Variants in GLE1 observed in about 807,000 individuals in gnomAD.
GLE1 encodes the protein mRNA export factor GLE1.
In GLE1, 78 loss-of-function variants were observed where a neutral mutation model predicts 97.3. That is an observed-to-expected ratio of 0.80 (90% CI 0.67 to 0.97). The LOEUF (loss-of-function observed/expected upper bound fraction) is 0.97, where lower values mean the gene tolerates loss of function less well. GLE1 is among the 50% of genes least tolerant of loss of function. The probability of loss-of-function intolerance (pLI) is 0.00; values close to 1 mark genes in which losing one functional copy is unlikely to be tolerated. For synonymous variants in GLE1, 302 were observed against 313.4 expected (o/e 0.96, Z 0.39); for missense variants, 753 against 857.5 (o/e 0.88, Z 1.52).
chr9:128,509,023 T>C lies in GLE1; in HGVS notation c.247T>C (p.Ser83Pro). 1 of 1,613,886 alleles carries C rather than the reference T, an allele frequency of 6.2e-7. No individual in the cohort carries two copies. Among genetic ancestry groups the C allele is most frequent in the Non-Finnish European group, 8.5e-7 (1 of 1,179,748 alleles). The change falls in exon 2 of 16, where the codon TCA becomes CCA. Residue 83 changes from serine (S) to proline (P), a missense_variant. Transcript: ENST00000309971. ...STSASALDQP[S>P]FVPKSPDASS... The stretch of plus-strand genomic sequence containing the variant: ...GTCAGCTTCAGCCCTAGATCAACCC[T>C]CATTTGTTCCCAAATCTCCTGACGC...
In GLE1 at chr9:128,523,717, GCAGCTCAGCCAGCA is replaced by G. The variant is rs773572826; in HGVS notation, c.769_782del (p.Gln257AlafsTer5). 3 of 1,614,136 alleles carry G rather than the reference GCAGCTCAGCCAGCA, an allele frequency of 1.9e-6. No individual in the cohort carries two copies. In the South Asian group the frequency reaches 3.3e-5, roughly 18 times the overall value. On this transcript the variant is annotated frameshift_variant, in exon 6 of 16. Transcript: ENST00000309971. LOFTEE classifies it high-confidence loss of function. ...TCTATGCTCTGCAGGAGGAGATGCT[GCAGCTCAGCCAGCA>G]GCTGGATGCCTCTGAGCAGCACAAA...
In GLE1 at chr9:128,523,605, A is replaced by G. The variant is rs1847214271; in HGVS notation, c.656A>G (p.Lys219Arg). 6.2e-7 allele frequency: 1 copy of G among 1,613,948 alleles called. No homozygotes were observed. The highest frequency in any genetic ancestry group is 1.7e-5 in the Admixed American group (1 of 59,980). The change falls in exon 6 of 16, where the codon AAG becomes AGG. Residue 219 changes from lysine (K) to arginine (R), a missense_variant. Transcript: ENST00000309971. ...CCTTTTCTACAGATTCTCAACCTGA[A>G]GCTGCGGGAAGCAGAGCAGCAGCGC... Reference protein sequence around the residue: ...HRHRAKILNLKLREAEQQRVK... With the variant: ...HRHRAKILNLRLREAEQQRVK...
At position 128,525,415 on chromosome 9, in the gene GLE1, A is replaced by G. The variant is rs1486822694; in HGVS notation, c.1121A>G (p.Gln374Arg). Residue 374 changes from glutamine to arginine, a missense_variant, in exon 7 of 16, where the codon CAG becomes CGG. By Grantham distance (43) the Gln-to-Arg change is conservative (BLOSUM62 1). Coordinates refer to ENST00000309971, the MANE Select transcript of GLE1 (RefSeq NM_001003722.2). ...CCCAGCCAGGGCCCAGGAGGGAAAC[A>G]GAATGAAGGTGGGTTTCAGTATGGA... ...PAPSQGPGGK[Q>R]NEDLQVKVQD... 6.3e-7 allele frequency: 1 copy of G among 1,590,574 alleles called. No homozygotes were observed. Among genetic ancestry groups the G allele is most frequent in the Non-Finnish European group, 8.6e-7 (1 of 1,164,348 alleles).
chr9:128,537,929 G>T (rs1452839105), intron 12 of GLE1, 57 bp from the exon 13 acceptor site: 1 of 954,022 alleles, frequency 1.0e-6, no homozygotes, highest in East Asian at 2.4e-5. Flanking sequence ...GATACACTGG[G>T]AGTTTAGATT....
intron 3 of GLE1, among the ~76,000 whole-genome samples, chr9:128,518,935 T>C (rs1172743569): frequency 2.6e-5 from 4 of 151,958 alleles, no homozygotes; most frequent in African/African-American, 9.7e-5. Flanking sequence ...GCTGAAGCCA[T>C]GGCAGAAGAA....
At chr9:128,520,291 T>C (rs773641535) in intron 3 of GLE1, among the ~76,000 whole-genome samples, 33 of 149,842 alleles carry the variant, frequency 2.2e-4, no homozygotes, top group Non-Finnish European at 4.3e-4. Flanking sequence ...TGTATATATA[T>C]GTGTATATAT....
intron 2 of GLE1, among the ~76,000 whole-genome samples, chr9:128,511,969 G>A (rs949122824): frequency 6.6e-6 from 1 of 152,074 alleles, no homozygotes. Context: ...CTGCCACCAT[G>A]CCTGGCTAAT....
chr9:128,511,630 C>T (rs1237296686), intron 2 of GLE1, among the ~76,000 whole-genome samples: 1 of 149,712 alleles, frequency 6.7e-6, no homozygotes, highest in Non-Finnish European at 1.5e-5. Flanking sequence ...GATGTGAACG[C>T]GGGAGGCAGA....
intron 2 of GLE1, among the ~76,000 whole-genome samples, chr9:128,514,020 AAAAAAAAAAAAAG>A (rs1846903582): frequency 6.8e-6 from 1 of 147,252 alleles, no homozygotes; most frequent in Non-Finnish European, 1.5e-5. Context: ...TCCATCTCAA[AAAAAAAAAAAAAG>A]AAAAAGAAAA....
chr9:128,514,207 C>T (rs559258062), intron 2 of GLE1, among the ~76,000 whole-genome samples: 4 of 148,916 alleles, frequency 2.7e-5, no homozygotes, highest in African/African-American at 9.8e-5. Flanking sequence ...GGTGTGGTGG[C>T]GTGCGCCAGT....
chr9:128,539,426 C>T (rs1847822826), intron 13 of GLE1, among the ~76,000 whole-genome samples, 190 bp from the exon 14 acceptor site: 1 of 152,010 alleles, frequency 6.6e-6, no homozygotes, highest in Admixed American at 6.6e-5. Context: ...GGAGATATTG[C>T]CATATAAAGA....
At chr9:128,513,363 A>G (rs1196265953) in intron 2 of GLE1, among the ~76,000 whole-genome samples, 2 of 152,082 alleles carry the variant, frequency 1.3e-5, no homozygotes, top group Non-Finnish European at 2.9e-5. Flanking sequence ...CCCTGGACTC[A>G]GCATCTTCTT....
At chr9:128,520,694 T>G (rs1283028567) in intron 3 of GLE1, among the ~76,000 whole-genome samples, 1 of 149,704 alleles carries the variant, frequency 6.7e-6, no homozygotes, top group Non-Finnish European at 1.5e-5. Flanking sequence ...ACACACATCG[T>G]GTGTGTGTGT....
At chr9:128,535,522 C>CAAAA (rs60357152) in intron 11 of GLE1, among the ~76,000 whole-genome samples, 1 of 120,378 alleles carries the variant, frequency 8.3e-6, no homozygotes. Flanking sequence ...AACTCTGTCT[C>CAAAA]AAAAAAAAAA....
intron 11 of GLE1, among the ~76,000 whole-genome samples, chr9:128,536,045 T>C (rs555396907): frequency 6.6e-6 from 1 of 152,072 alleles, no homozygotes; most frequent in East Asian, 1.9e-4. Context: ...TTCTTATTTC[T>C]TTTTTTTGAG....
intron 2 of GLE1, among the ~76,000 whole-genome samples, chr9:128,512,021 G>T (rs2132417631): frequency 6.6e-6 from 1 of 152,230 alleles, no homozygotes; most frequent in South Asian, 2.1e-4. Flanking sequence ...TGTTGGCCAG[G>T]CTGGTCTCGA....
At chr9:128,539,872 C>A in intron 14 of GLE1, 174 bp downstream of exon 14, 1 of 1,506,182 alleles carries the variant, frequency 6.6e-7, no homozygotes, top group Non-Finnish European at 8.9e-7. Flanking sequence ...TGCTTTTGAA[C>A]CTTAATGAGA....
At chr9:128,539,746 C>T (rs1488895564) in intron 14 of GLE1, 48 bp downstream of exon 14, 1 of 1,613,766 alleles carries the variant, frequency 6.2e-7, no homozygotes, top group Non-Finnish European at 8.5e-7. Flanking sequence ...AACTCATAAC[C>T]AGGCCTCAGA....
chr9:128,504,757 C>T lies in GLE1; in HGVS notation c.-49C>T, dbSNP rs1382676906. 3.1e-6 allele frequency: 4 copies of T among 1,272,706 alleles called. No individual in the cohort carries two copies. The highest frequency in any genetic ancestry group is 1.8e-4 in the Middle Eastern group (1 of 5,428). 78.8% of individuals were successfully genotyped at this position (1,272,706 alleles called of 1,614,324 possible). On this transcript the variant is annotated 5_prime_UTR_variant, in exon 1 of 16. Transcript: ENST00000309971. ...GCCTTCCCGGCGGCTGATTCGAGGGCTTGTTTGGTCAGAAGGGGGGCGTCA... is the reference window on the plus strand; with the variant it reads ...GCCTTCCCGGCGGCTGATTCGAGGGTTTGTTTGGTCAGAAGGGGGGCGTCA...
Sources: gnomAD v4.1 joint callset for allele counts (sites outside exome capture counted in the v4.1 genomes callset) on GRCh38, gnomAD v4.1.1 for gene constraint, MANE v1.5 for transcripts, NCBI Gene and HGNC (gene_info 2026-07-23, HGNC 2026-07-21) for gene names.